The following NKAIN3 variants were observed in gnomAD, a reference collection of about 807,000 sequenced individuals.
NKAIN3 encodes the protein sodium/potassium transporting ATPase interacting 3, also known as sodium/potassium-transporting ATPase subunit beta-1-interacting protein 3.
NKAIN3 carries 25 observed loss-of-function variants against 30.2 expected under a neutral mutation model. That is an observed-to-expected ratio of 0.83 (90% CI 0.60 to 1.16). The LOEUF (loss-of-function observed/expected upper bound fraction) is 1.16, where lower values mean the gene tolerates loss of function less well. Among genes scored for constraint, NKAIN3 ranks in the 50% most tolerant of loss-of-function variants. The pLI, the probability that NKAIN3 is intolerant of heterozygous loss-of-function variation, is 0.00. For missense variants in NKAIN3, 225 were observed against 254.1 expected (o/e 0.89, Z 0.78); for synonymous variants, 91 against 89.6 (o/e 1.02, Z -0.09).
intron 1 of NKAIN3, among the ~76,000 whole-genome samples, chr8:62,453,012 C>T (rs1202018090): frequency 6.6e-6 from 1 of 152,122 alleles, no homozygotes; most frequent in East Asian, 1.9e-4. Flanking sequence ...CTCACAAATA[C>T]CCACATTGAG....
chr8:62,454,261 C>A (rs1336435666), intron 1 of NKAIN3, among the ~76,000 whole-genome samples: 1 of 128,588 alleles, frequency 7.8e-6, no homozygotes, highest in Non-Finnish European at 1.6e-5. Flanking sequence ...TTGTCTTGGG[C>A]CACACATAAA....
downstream of NKAIN3, among the ~76,000 whole-genome samples, chr8:62,986,383 A>G (rs1170527415): frequency 1.3e-5 from 2 of 152,178 alleles, no homozygotes; most frequent in South Asian, 2.1e-4. Flanking sequence ...CATGCTTTTT[A>G]CAAGTGGTTG....
intron 1 of NKAIN3, among the ~76,000 whole-genome samples, chr8:62,455,840 T>C (rs551161678): frequency 1.3e-4 from 20 of 152,202 alleles, no homozygotes; most frequent in Non-Finnish European, 2.6e-4. Context: ...TCTTCATTGT[T>C]TGAATATACA....
intron 1 of NKAIN3, among the ~76,000 whole-genome samples, chr8:62,424,250 C>T (rs1273242652): frequency 6.6e-6 from 1 of 151,878 alleles, no homozygotes; most frequent in African/African-American, 2.4e-5. Flanking sequence ...TAACATTAGT[C>T]TAGGCAAAAA....
intron 1 of NKAIN3, among the ~76,000 whole-genome samples, chr8:62,396,147 GTCTC>G (rs577589501): frequency 3.6e-4 from 55 of 152,274 alleles, no homozygotes; most frequent in Middle Eastern, 3.4e-3. Flanking sequence ...TGTTAATTAT[GTCTC>G]TCTCACACAC....
chr8:62,423,367 C>T (rs577470853), intron 1 of NKAIN3, among the ~76,000 whole-genome samples: 38 of 151,122 alleles, frequency 2.5e-4, no homozygotes, highest in Admixed American at 5.9e-4. Flanking sequence ...TTCTTCATCT[C>T]CAGCAGCATG....
intron 1 of NKAIN3, among the ~76,000 whole-genome samples, chr8:62,453,634 A>C (rs1050228209): frequency 2.6e-5 from 4 of 152,176 alleles, no homozygotes; most frequent in African/African-American, 9.6e-5. Flanking sequence ...ACCACTAGCT[A>C]GGCTAATAAA....
At position 62,510,032 on chromosome 8, in the gene NKAIN3, T is replaced by C. The variant is rs142099526; in HGVS notation, c.55-69507T>C. Reference sequence around the variant, plus strand: ...AGATGAGAAGTGAGGAGTAATTCCTTAGGACTGGGTGGATGAAAGAAAACC... The same window carrying C: ...AGATGAGAAGTGAGGAGTAATTCCTCAGGACTGGGTGGATGAAAGAAAACC... On this transcript the variant is annotated intron_variant, in intron 1 of 6. Transcript: ENST00000623646. 8.3e-3 allele frequency among the ~76,000 whole-genome samples: 1,269 copies of C among 152,112 alleles called. 14 individuals carry two copies. Among genetic ancestry groups the C allele is most frequent in the African/African-American group, 0.028 (1,162 of 41,502 alleles).
At chr8:62,544,545 G>C (rs1358982207) in intron 1 of NKAIN3, among the ~76,000 whole-genome samples, 1 of 151,848 alleles carries the variant, frequency 6.6e-6, no homozygotes, top group Non-Finnish European at 1.5e-5. Flanking sequence ...AATCAAAAAA[G>C]TAGTAAATGC....
chr8:62,505,959 G>A (rs573525399), intron 1 of NKAIN3, among the ~76,000 whole-genome samples: 17 of 151,988 alleles, frequency 1.1e-4, no homozygotes, highest in African/African-American at 4.1e-4. Context: ...AGCCTCAAGA[G>A]GCAACCCATA....
intron 1 of NKAIN3, among the ~76,000 whole-genome samples, chr8:62,507,156 T>TA (rs1807669121): frequency 1.3e-5 from 2 of 152,196 alleles, no homozygotes; most frequent in African/African-American, 4.8e-5. Context: ...AGAAAAAATA[T>TA]TTTTATTATA....
In NKAIN3 at chr8:62,675,095, G is replaced by A. The variant is rs748571204; in HGVS notation, c.274-71837G>A. Among the ~76,000 whole-genome samples the A allele has an allele frequency of 1.2e-4, 19 of 152,248 alleles. No individual in the cohort carries two copies. In the Middle Eastern group the frequency reaches 0.01, roughly 82 times the overall value. ...TTATATTTTTCATGTTAATATTTTG[G>A]AGTTTCAGTATGACCCTCTGCGAAA... On this transcript the variant is annotated intron_variant, in intron 3 of 6. Transcript: ENST00000623646.
chr8:62,888,808 G>A lies in NKAIN3; in HGVS notation c.472-29645G>A, dbSNP rs558108046. ...TATTAGTCCACTAGAACAATTTTTA[G>A]TTGTCTTGCTTCTTAGCTTATATCA... On this transcript the variant is annotated intron_variant, in intron 4 of 6. Transcript: ENST00000623646. 4.6e-5 allele frequency among the ~76,000 whole-genome samples: 7 copies of A among 152,246 alleles called. No individual in the cohort carries two copies. The South Asian group carries it at 1.4e-3, about 32-fold the overall frequency.
intron 3 of NKAIN3, among the ~76,000 whole-genome samples, chr8:62,707,094 T>C (rs1814552910): frequency 6.8e-6 from 1 of 147,814 alleles, no homozygotes; most frequent in Admixed American, 6.6e-5. Context: ...CACGCACATA[T>C]ATATAAAACA....
chr8:62,739,290 A>G (rs71525500), intron 3 of NKAIN3, among the ~76,000 whole-genome samples: 2 of 152,130 alleles, frequency 1.3e-5, no homozygotes. Flanking sequence ...ATATATATAC[A>G]CAAATTAAAA....
chr8:62,778,088 G>T (rs1817242719), intron 4 of NKAIN3, among the ~76,000 whole-genome samples: 3 of 152,060 alleles, frequency 2.0e-5, no homozygotes, highest in Admixed American at 2.0e-4. Flanking sequence ...GCCTGGAGCT[G>T]GGGGAGGAGT....
At chr8:62,647,012 A>G (rs973097835) in intron 3 of NKAIN3, among the ~76,000 whole-genome samples, 2 of 152,160 alleles carry the variant, frequency 1.3e-5, no homozygotes, top group African/African-American at 2.4e-5. Context: ...TATGAAGTCA[A>G]TTCTTAAAGA....
chr8:62,831,152 A>G (rs1819186759), intron 4 of NKAIN3, among the ~76,000 whole-genome samples: 1 of 152,214 alleles, frequency 6.6e-6, no homozygotes, highest in Non-Finnish European at 1.5e-5. Flanking sequence ...TGCGTAGAAG[A>G]AAAGCCAAAG....
In NKAIN3 at chr8:62,646,291, G is replaced by C. The variant is rs116722911; in HGVS notation, c.273+56497G>C. Among the ~76,000 whole-genome samples, 363 of 152,198 alleles carry C rather than the reference G, an allele frequency of 2.4e-3. 1 individual carries two copies. The highest frequency in any genetic ancestry group is 8.4e-3 in the African/African-American group (349 of 41,532). ...AAAACTAAGAAAGTGAATTTTTAGA[G>C]ATGTAACCTAGTCCTGCTAATAATG... is the stretch of plus-strand genomic sequence containing the variant. On this transcript the variant is annotated intron_variant, in intron 3 of 6. Transcript: ENST00000623646.
Sources: allele counts gnomAD v4.1 joint callset (sites outside exome capture counted in the v4.1 genomes callset), GRCh38; gene constraint gnomAD v4.1.1; transcripts MANE v1.5; gene names NCBI Gene and HGNC (gene_info 2026-07-23, HGNC 2026-07-21).